Variants in GRM3 observed in about 807,000 individuals in gnomAD.
The protein encoded by GRM3 is metabotropic glutamate receptor 3.
A neutral mutation model predicts 70.5 loss-of-function variants in GRM3; 26 were observed. That is an observed-to-expected ratio of 0.37 (90% confidence interval 0.27 to 0.51). The LOEUF (loss-of-function observed/expected upper bound fraction) is 0.51. Among genes scored for constraint, GRM3 ranks in the 20% least tolerant of loss-of-function variants. The probability of loss-of-function intolerance (pLI) is 0.93; values close to 1 mark genes in which losing one functional copy is unlikely to be tolerated. For missense variants in GRM3, 859 were observed against 1,123.8 expected (o/e 0.76, Z 3.37); for synonymous variants, 443 against 434.9 (o/e 1.02, Z -0.23).
chr7:86,704,286 G>C (rs370282284), intron 1 of GRM3, among the ~76,000 whole-genome samples: 3 of 151,930 alleles, frequency 2.0e-5, no homozygotes, highest in East Asian at 3.9e-4. Context: ...GTTTTGATTA[G>C]ATGCTTTCTG....
At chr7:86,834,450 T>C (rs1420414116) in intron 3 of GRM3, among the ~76,000 whole-genome samples, 1 of 152,166 alleles carries the variant, frequency 6.6e-6, no homozygotes, top group Admixed American at 6.5e-5. Context: ...TTCCAAAAGC[T>C]CATTCTTGTT....
chr7:86,800,156 A>G (rs936011621), intron 3 of GRM3, among the ~76,000 whole-genome samples: 1 of 152,186 alleles, frequency 6.6e-6, no homozygotes, highest in African/African-American at 2.4e-5. Context: ...TAAGAGGGAA[A>G]TTTATAGCAC....
Position 86,839,119 on chromosome 7 carries a change from A to G in GRM3, c.1605A>G (p.Glu535=), listed in dbSNP as rs750409205. 14 of 1,614,030 alleles carry G rather than the reference A, an allele frequency of 8.7e-6. 1 individual carries two copies. The highest frequency in any genetic ancestry group is 4.2e-6 in the Non-Finnish European group (5 of 1,179,968). Residue 535 remains glutamate (E), a synonymous_variant, in exon 4 of 6, where the codon GAA becomes GAG. Transcript: ENST00000361669. This position sits in a 1 kb window ranked among gnomAD's most constrained non-coding sequence, Gnocchi z 4.5. ...GCTGCTGGATTTGCATCCCCTGTGA[A>G]CCCTACGAATACCTGGCTGATGAGT... ...DVCCWICIPC[E]PYEYLADEFT... is the part of the protein sequence containing the mutation.
chr7:86,786,189 C>A lies in GRM3; in HGVS notation c.469-72C>A. 7.8e-7 allele frequency: 1 copy of A among 1,284,656 alleles called. No individual in the cohort carries two copies. The highest frequency in any genetic ancestry group is 1.1e-6 in the Non-Finnish European group (1 of 913,254). The allele number at this position is 1,284,656 out of a possible 1,614,324, so 79.6% of individuals were successfully genotyped here. A position where few individuals can be genotyped will look rare whatever the true frequency, so the allele number is the denominator to read the frequency against. On this transcript the variant is annotated intron_variant, in intron 2 of 5. Transcript: ENST00000361669. This position sits in a 1 kb window ranked among gnomAD's most constrained non-coding sequence, Gnocchi z 6.0. ...AGGGAGTCAGTAAAAGGTGTGGATG[C>A]TATTATTCATTTTCATGTCCAGTCA...
Position 86,864,544 on chromosome 7 carries a change from T to C in GRM3, c.*189T>C, listed in dbSNP as rs1050787395. On this transcript the variant is annotated 3_prime_UTR_variant, in exon 6 of 6. Coordinates refer to ENST00000361669, the MANE Select transcript of GRM3 (RefSeq NM_000840.3). ...CTTTCTAGGCTGAGTCTAGTGCCCC[T>C]ATTATTAACAATTCCCCCAGAACAT... 1.4e-5 allele frequency: 7 copies of C among 510,722 alleles called. No homozygotes were observed. The highest frequency in any genetic ancestry group is 2.5e-5 in the Non-Finnish European group (7 of 280,514). 31.6% of individuals were successfully genotyped at this position (510,722 alleles called of 1,614,324 possible).
chr7:86,777,705 C>T (rs928234115), intron 2 of GRM3, among the ~76,000 whole-genome samples: 3 of 152,104 alleles, frequency 2.0e-5, no homozygotes, highest in Non-Finnish European at 4.4e-5. Context: ...GTTACTAATC[C>T]TTTTAGCAAT....
At chr7:86,715,086 T>A (rs73398488) in intron 1 of GRM3, among the ~76,000 whole-genome samples, 51 of 152,112 alleles carry the variant, frequency 3.4e-4, no homozygotes, top group African/African-American at 1.1e-3. Context: ...AAATGGCTAA[T>A]TAGAACAGAA....
intron 1 of GRM3, among the ~76,000 whole-genome samples, chr7:86,717,837 C>A (rs537514707): frequency 6.6e-6 from 1 of 151,480 alleles, no homozygotes; most frequent in Non-Finnish European, 1.5e-5. Context: ...TTCAAAAGCA[C>A]GTAGGGAATA....
chr7:86,859,698 A>C (rs1391531035), intron 5 of GRM3, among the ~76,000 whole-genome samples: 3 of 152,192 alleles, frequency 2.0e-5, no homozygotes, highest in Non-Finnish European at 4.4e-5. Flanking sequence ...GACTCTCAGC[A>C]ACCAGTCTTA....
chr7:86,722,148 C>A (rs1200698792), intron 1 of GRM3, among the ~76,000 whole-genome samples: 2 of 152,038 alleles, frequency 1.3e-5, no homozygotes, highest in African/African-American at 4.8e-5. Context: ...CAGACCCTTC[C>A]CCTTCCCACC....
At chr7:86,781,077 C>T (rs1000371099) in intron 2 of GRM3, among the ~76,000 whole-genome samples, 1 of 152,072 alleles carries the variant, frequency 6.6e-6, no homozygotes, top group African/African-American at 2.4e-5. Flanking sequence ...GCACTCTTTA[C>T]CTTAGTTTCT....
chr7:86,832,658 C>G (rs1798376765), intron 3 of GRM3, among the ~76,000 whole-genome samples: 1 of 152,060 alleles, frequency 6.6e-6, no homozygotes, highest in African/African-American at 2.4e-5. Context: ...ATTCTCTTAC[C>G]TTAATTGGAC....
chr7:86,818,592 T>C (rs1227780678), intron 3 of GRM3, among the ~76,000 whole-genome samples: 1 of 152,126 alleles, frequency 6.6e-6, no homozygotes, highest in Non-Finnish European at 1.5e-5. Flanking sequence ...TAGTAGGTAC[T>C]CAAGTAGATG....
intron 3 of GRM3, among the ~76,000 whole-genome samples, chr7:86,822,310 A>G (rs773535356): frequency 6.6e-6 from 1 of 152,136 alleles, no homozygotes; most frequent in Non-Finnish European, 1.5e-5. Context: ...TATAGTGATA[A>G]GAAGATAGTA....
chr7:86,791,576 G>A (rs1797420054), intron 3 of GRM3, among the ~76,000 whole-genome samples: 1 of 152,170 alleles, frequency 6.6e-6, no homozygotes, highest in Non-Finnish European at 1.5e-5. Flanking sequence ...AGTAACAGGG[G>A]TGAGGTGAAA....
intron 3 of GRM3, among the ~76,000 whole-genome samples, chr7:86,797,093 T>C (rs1426626703): frequency 6.6e-6 from 1 of 152,198 alleles, no homozygotes; most frequent in Non-Finnish European, 1.5e-5. Context: ...GGTATGTCTT[T>C]ATTAACCGAG....
Position 86,644,654 on chromosome 7 carries a change from A to G in GRM3, c.-359A>G, listed in dbSNP as rs1055915926. On this transcript the variant is annotated 5_prime_UTR_variant, in exon 1 of 6. Coordinates refer to ENST00000361669, the MANE Select transcript of GRM3 (RefSeq NM_000840.3). ...GTCCAGCGTGCAGCCGGGAGGGGGC[A>G]GGGGCAGGGGGCACTGTGACAGGAA... The G allele has an allele frequency of 7.6e-6, 4 of 525,524 alleles. No homozygotes were observed. Among genetic ancestry groups the G allele is most frequent in the Non-Finnish European group, 1.4e-5 (4 of 291,072 alleles). The allele number at this position is 525,524 out of a possible 1,614,324, so 32.6% of individuals were successfully genotyped here.
chr7:86,685,097 T>C (rs1156925934), intron 1 of GRM3, among the ~76,000 whole-genome samples: 1 of 152,214 alleles, frequency 6.6e-6, no homozygotes, highest in Admixed American at 6.5e-5. Context: ...TTAAAATATC[T>C]CAATATCCTC....
At chr7:86,690,579 A>G (rs1042451403) in intron 1 of GRM3, among the ~76,000 whole-genome samples, 3 of 152,034 alleles carry the variant, frequency 2.0e-5, no homozygotes, top group African/African-American at 7.2e-5. Context: ...TGCCTTACTT[A>G]TGTATTGTGT....
Sources: gnomAD v4.1 joint callset for allele counts (sites outside exome capture counted in the v4.1 genomes callset) on GRCh38, gnomAD v4.1.1 for gene constraint, Gnocchi (gnomAD v3.1) non-coding constraint, MANE v1.5 for transcripts, NCBI Gene and HGNC (gene_info 2026-07-23, HGNC 2026-07-21) for gene names.